Variants in TLN2 observed in about 807,000 individuals in gnomAD.
TLN2 encodes the protein talin 2.
A neutral mutation model predicts 294.7 loss-of-function variants in TLN2; 118 were observed. The ratio of observed to expected loss-of-function variants is 0.40; its 90% CI spans 0.34 to 0.47. The LOEUF (loss-of-function observed/expected upper bound fraction) is 0.47. TLN2 is among the 20% of genes least tolerant of loss of function. The pLI is 0.84. For missense variants in TLN2, 3,083 were observed against 3,282.2 expected (o/e 0.94, Z 1.48); for synonymous variants, 1,431 against 1,304.5 (o/e 1.10, Z -2.09).
At chr15:62,772,356 G>T (rs1238121755) in intron 42 of TLN2, among the ~76,000 whole-genome samples, 15 of 152,190 alleles carry the variant, frequency 9.9e-5, no homozygotes, top group African/African-American at 3.4e-4. Context: ...GCCAGCCACT[G>T]CCCTCAAGTT....
chr15:62,724,880 T>G (rs1167972137), intron 26 of TLN2, 96 bp from the exon 27 acceptor site: 1 of 1,423,002 alleles, frequency 7.0e-7, no homozygotes, highest in African/African-American at 1.4e-5. Flanking sequence ...GGAGAATCAC[T>G]GGGTATATCC....
intron 1 of TLN2, among the ~76,000 whole-genome samples, chr15:62,493,305 T>A (rs576980161): frequency 6.6e-6 from 1 of 152,268 alleles, no homozygotes; most frequent in Admixed American, 6.5e-5. Context: ...TGGCACTGAC[T>A]ACAGGCCAGC....
intron 50 of TLN2, among the ~76,000 whole-genome samples, chr15:62,804,976 G>C (rs571039582): frequency 8.9e-4 from 136 of 152,222 alleles, no homozygotes; most frequent in Non-Finnish European, 1.7e-3. Context: ...GACTTACCAT[G>C]GTGAATTTAT....
chr15:62,637,489 C>T (rs1055565801), intron 3 of TLN2: 9 of 152,068 alleles, frequency 5.9e-5, no homozygotes, highest in East Asian at 3.9e-4. Flanking sequence ...TCTTACGGTT[C>T]GACAAAAAAC....
chr15:62,817,484 T>C (rs184487111), intron 52 of TLN2, among the ~76,000 whole-genome samples: 117 of 152,348 alleles, frequency 7.7e-4, no homozygotes, highest in African/African-American at 2.7e-3. Context: ...AAGATGAGGA[T>C]AGATACATGT....
intron 1 of TLN2, among the ~76,000 whole-genome samples, chr15:62,536,518 T>G (rs1204447784): frequency 6.6e-6 from 1 of 152,236 alleles, no homozygotes; most frequent in Non-Finnish European, 1.5e-5. Context: ...TGTTAATAAA[T>G]TTTTGTATTT....
intron 1 of TLN2, among the ~76,000 whole-genome samples, chr15:62,498,172 AAAG>A (rs1389876591): frequency 6.7e-5 from 10 of 149,680 alleles, no homozygotes; most frequent in African/African-American, 1.7e-4. Flanking sequence ...AAAAAAAAAA[AAAG>A]AAAAAAAAGT....
At chr15:62,589,599 T>G (rs1409594949) in intron 1 of TLN2, 88 bp from the exon 2 acceptor site, 2 of 152,206 alleles carry the variant, frequency 1.3e-5, no homozygotes, top group African/African-American at 4.8e-5. Flanking sequence ...CCTTTCATGC[T>G]TAGTGTGGGG....
At chr15:62,768,498 G>T (rs145393820) in intron 41 of TLN2, among the ~76,000 whole-genome samples, 1 of 152,254 alleles carries the variant, frequency 6.6e-6, no homozygotes, top group East Asian at 1.9e-4. Flanking sequence ...GTCTTTAAAT[G>T]CACCTGCAAA....
At chr15:62,447,281 G>A (rs935588536) in intron 1 of TLN2, among the ~76,000 whole-genome samples, 18 of 151,996 alleles carry the variant, frequency 1.2e-4, no homozygotes, top group African/African-American at 3.1e-4. Context: ...AGGTAGTTTC[G>A]ACCTGGATGG....
chr15:62,767,996 T>A (rs1036091092), intron 41 of TLN2, among the ~76,000 whole-genome samples: 1 of 152,214 alleles, frequency 6.6e-6, no homozygotes, highest in African/African-American at 2.4e-5. Context: ...CTTGGGCTAA[T>A]CCATCTCTTA....
At chr15:62,442,918 GCCT>G (rs2035627326) in intron 1 of TLN2, among the ~76,000 whole-genome samples, 1 of 152,008 alleles carries the variant, frequency 6.6e-6, no homozygotes, top group African/African-American at 2.4e-5. Flanking sequence ...GCAGTTCTTG[GCCT>G]AGTGGTCCTA....
chr15:62,582,694 G>A (rs1223739622), intron 1 of TLN2, among the ~76,000 whole-genome samples: 3 of 152,114 alleles, frequency 2.0e-5, no homozygotes, highest in South Asian at 4.2e-4. Context: ...CCCAGGGCAC[G>A]CCAGGCAGGA....
intron 58 of TLN2, among the ~76,000 whole-genome samples, chr15:62,839,436 A>G (rs1876163515): frequency 6.6e-6 from 1 of 152,248 alleles, no homozygotes; most frequent in African/African-American, 2.4e-5. Flanking sequence ...GGACAGCAAC[A>G]TTATTTAAAT....
intron 33 of TLN2, among the ~76,000 whole-genome samples, chr15:62,749,486 T>C (rs1595874005): frequency 2.6e-5 from 4 of 152,220 alleles, no homozygotes. Flanking sequence ...AGGATTGCTG[T>C]TAATAGAACA....
chr15:62,809,675 T>C (rs1320872305), intron 51 of TLN2, among the ~76,000 whole-genome samples: 1 of 152,160 alleles, frequency 6.6e-6, no homozygotes, highest in African/African-American at 2.4e-5. Flanking sequence ...GGAACAAAGG[T>C]CCAGATTGAG....
intron 1 of TLN2, among the ~76,000 whole-genome samples, chr15:62,581,191 C>CTAAA (rs910943984): frequency 2.2e-4 from 33 of 152,298 alleles, no homozygotes; most frequent in African/African-American, 7.9e-4. Flanking sequence ...AACCAGTGAT[C>CTAAA]TTTTTACTGT....
At chr15:62,751,017 T>G (rs1350378872) in intron 34 of TLN2, among the ~76,000 whole-genome samples, 1 of 152,068 alleles carries the variant, frequency 6.6e-6, no homozygotes, top group Non-Finnish European at 1.5e-5. Flanking sequence ...GGAGAGATGT[T>G]GAAAAAAAAT....
chr15:62,453,688 C>T (rs2036288538), intron 1 of TLN2: 1 of 152,186 alleles, frequency 6.6e-6, no homozygotes, highest in Admixed American at 6.5e-5. Flanking sequence ...TTTGAATCAG[C>T]CCCCTGTGTG....
Sources: gnomAD v4.1 joint callset for allele counts (sites outside exome capture counted in the v4.1 genomes callset) on GRCh38, gnomAD v4.1.1 for gene constraint, MANE v1.5 for transcripts, NCBI Gene and HGNC (gene_info 2026-07-23, HGNC 2026-07-21) for gene names.